Variants in TARS3 observed in about 807,000 individuals in gnomAD.
TARS3 encodes the protein threonine--tRNA ligase 2, cytoplasmic.
TARS3 carries 94 observed loss-of-function variants against 103.5 expected under a neutral mutation model. The observed-to-expected ratio is 0.91, with a 90% CI of 0.77 to 1.08. The LOEUF (loss-of-function observed/expected upper bound fraction) is 1.08. TARS3 is among the 50% of genes least tolerant of loss of function. The pLI, the probability that TARS3 is intolerant of heterozygous loss-of-function variation, is 0.00. For synonymous variants in TARS3, 416 were observed against 355.4 expected, an observed-to-expected ratio of 1.17 and a Z score of -1.92; for missense variants, 952 against 995.2, an observed-to-expected ratio of 0.96 and a Z score of 0.58.
chr15:101,716,322 CAAGTT>C (rs1900157281), intron 3 of TARS3, among the ~76,000 whole-genome samples: 1 of 151,894 alleles, frequency 6.6e-6, no homozygotes, highest in African/African-American at 2.4e-5. Flanking sequence ...GACAAAATTA[CAAGTT>C]AAGAAAGGAA....
Position 101,721,087 on chromosome 15 carries a change from T to C in TARS3, c.566+39A>G, listed in dbSNP as rs1479896026. 3.9e-6 allele frequency: 6 copies of C among 1,528,652 alleles called. No homozygotes were observed. In the African/African-American group the frequency reaches 8.2e-5, roughly 21 times the overall value. The allele number at this position is 1,528,652 out of a possible 1,614,324, so 94.7% of individuals were successfully genotyped here. A position where few individuals can be genotyped will look rare whatever the true frequency, so the allele number is the denominator to read the frequency against. Reference sequence around the variant, plus strand: ...ACATTTTCACCAGGCTTCAGTATAATTACTTAAGATTGAATATCTTTTCCA... The same window carrying C: ...ACATTTTCACCAGGCTTCAGTATAACTACTTAAGATTGAATATCTTTTCCA... On this transcript the variant is annotated intron_variant, in intron 3 of 18. Coordinates refer to ENST00000335968, the MANE Select transcript of TARS3 (RefSeq NM_152334.3).
In TARS3 at chr15:101,686,071, T is replaced by C; in HGVS notation, c.1321-9A>G. On this transcript the variant is annotated splice_polypyrimidine_tract_variant and intron_variant, in intron 10 of 18. Coordinates refer to ENST00000335968, the MANE Select transcript of TARS3 (RefSeq NM_152334.3). ...CGTTTGTGATATTCCTCCTTCAAGATACATGCATTCAACATTAAAATCTGC... is the reference window on the plus strand; with the variant it reads ...CGTTTGTGATATTCCTCCTTCAAGACACATGCATTCAACATTAAAATCTGC... The C allele has an allele frequency of 6.3e-7, 1 of 1,592,830 alleles. No homozygotes were observed. Among genetic ancestry groups the C allele is most frequent in the East Asian group, 2.3e-5 (1 of 44,352 alleles).
chr15:101,708,975 T>G (rs8038125), intron 5 of TARS3, 65 bp from the exon 6 acceptor site: 216,649 of 1,069,786 alleles, frequency 0.2, 23,534 homozygotes, highest in Non-Finnish European at 0.23. Context: ...CTTTCCTTTG[T>G]CCTGGAGCCT....
At chr15:101,722,281 A>G (rs984363371) in intron 2 of TARS3, among the ~76,000 whole-genome samples, 27 of 139,304 alleles carry the variant, frequency 1.9e-4, no homozygotes, top group Non-Finnish European at 3.7e-4. Context: ...TCCCTTTTCT[A>G]CTGTTTACAG....
intron 12 of TARS3, among the ~76,000 whole-genome samples, chr15:101,683,307 T>C (rs558953419): frequency 4.6e-5 from 7 of 152,376 alleles, no homozygotes; most frequent in South Asian, 2.1e-4. Context: ...TCATTTGTTA[T>C]ATAAAATTGT....
At chr15:101,707,067 T>G (rs1313749056) in intron 6 of TARS3, among the ~76,000 whole-genome samples, 1 of 151,986 alleles carries the variant, frequency 6.6e-6, no homozygotes, top group Non-Finnish European at 1.5e-5. Context: ...AAATGGCCAA[T>G]AAGCACATTA....
intron 5 of TARS3, among the ~76,000 whole-genome samples, chr15:101,710,229 G>A (rs1899792501): frequency 2.0e-5 from 3 of 152,140 alleles, no homozygotes; most frequent in Admixed American, 6.5e-5. Flanking sequence ...GCATCTCTGT[G>A]GTCCCTCCCA....
chr15:101,711,075 T>C (rs1396067364), intron 5 of TARS3, among the ~76,000 whole-genome samples: 1 of 152,216 alleles, frequency 6.6e-6, no homozygotes, highest in Non-Finnish European at 1.5e-5. Flanking sequence ...CACTCAACTA[T>C]GTGAGATGTT....
At position 101,654,563 on chromosome 15, in the gene TARS3, C is replaced by A. The variant is rs1421057557; in HGVS notation, c.*19G>T. On this transcript the variant is annotated 3_prime_UTR_variant, in exon 19 of 19. Transcript: ENST00000335968. Reference sequence around the variant, plus strand: ...GGGTCAAAACAAAGTTACACAGAAGCAAATATCAGGGAAGGACTTCAAAAG... The same window carrying A: ...GGGTCAAAACAAAGTTACACAGAAGAAAATATCAGGGAAGGACTTCAAAAG... 14 of 1,602,372 alleles carry A rather than the reference C, an allele frequency of 8.7e-6. No homozygotes were observed. The highest frequency in any genetic ancestry group is 1.2e-5 in the Non-Finnish European group (14 of 1,176,958).
chr15:101,686,598 G>A (rs1413406128), intron 10 of TARS3, among the ~76,000 whole-genome samples: 1 of 152,152 alleles, frequency 6.6e-6, no homozygotes, highest in African/African-American at 2.4e-5. Context: ...GACAGGAGAA[G>A]AGAGTTTTTT....
chr15:101,657,209 G>A lies in TARS3; in HGVS notation c.2146-173C>T, dbSNP rs1277637885. ...GGAAGTGTCGGCGCATCGTTTCTGA[G>A]ACTAGTTTATAAAAGGCTGCAGCTC... On this transcript the variant is annotated intron_variant, in intron 17 of 18. Coordinates refer to ENST00000335968, the MANE Select transcript of TARS3 (RefSeq NM_152334.3). Among the ~76,000 whole-genome samples, 5 of 152,356 alleles carry A rather than the reference G, an allele frequency of 3.3e-5. No individual in the cohort carries two copies. The East Asian group carries it at 9.6e-4, about 29-fold the overall frequency.
At chr15:101,709,635 C>A (rs535361678) in intron 5 of TARS3, among the ~76,000 whole-genome samples, 21 of 152,308 alleles carry the variant, frequency 1.4e-4, no homozygotes, top group African/African-American at 5.1e-4. Context: ...TTCCTATAGT[C>A]ATCACCACCC....
At chr15:101,657,106 C>A in intron 17 of TARS3, 70 bp from the exon 18 acceptor site, 1 of 1,007,790 alleles carries the variant, frequency 9.9e-7, no homozygotes, top group South Asian at 1.4e-5. Context: ...CCGTTGTTCC[C>A]CACTCTTGGT....
chr15:101,668,061 T>C (rs1897650681), intron 15 of TARS3, among the ~76,000 whole-genome samples: 1 of 152,238 alleles, frequency 6.6e-6, no homozygotes, highest in Admixed American at 6.5e-5. Flanking sequence ...AAGAAGGCTG[T>C]TTCACTTCCT....
intron 5 of TARS3, among the ~76,000 whole-genome samples, chr15:101,711,134 G>A (rs188609109): frequency 6.6e-6 from 1 of 152,278 alleles, no homozygotes; most frequent in Admixed American, 6.5e-5. Context: ...AATTAAACTA[G>A]CCTCTCTCTA....
chr15:101,672,063 A>G (rs1897829846), intron 13 of TARS3, among the ~76,000 whole-genome samples: 2 of 152,074 alleles, frequency 1.3e-5, no homozygotes, highest in African/African-American at 4.8e-5. Flanking sequence ...CCTGTGCCCT[A>G]CACATCAACC....
chr15:101,693,945 G>A (rs1233474071), intron 10 of TARS3, among the ~76,000 whole-genome samples: 1 of 152,066 alleles, frequency 6.6e-6, no homozygotes, highest in African/African-American at 2.4e-5. Flanking sequence ...GAACTGTTCT[G>A]TATCTTGATT....
rs765381685 is a variant in TARS3 at position 101,657,887 on chromosome 15, C to T, written c.2073-30G>A. The T allele has an allele frequency of 1.2e-4, 166 of 1,387,960 alleles. 1 individual carries two copies. The highest frequency in any genetic ancestry group is 1.6e-4 in the Non-Finnish European group (159 of 1,006,150). The allele number at this position is 1,387,960 out of a possible 1,614,324, so 86.0% of individuals were successfully genotyped here. ...AAAATATATATAAAATATGTATTTTCAAAGTGTAATAATGGCTACTTATTA... is the reference window on the plus strand; with the variant it reads ...AAAATATATATAAAATATGTATTTTTAAAGTGTAATAATGGCTACTTATTA... On this transcript the variant is annotated intron_variant, in intron 16 of 18. Transcript: ENST00000335968.
intron 12 of TARS3, among the ~76,000 whole-genome samples, chr15:101,677,537 T>G (rs1245469406): frequency 2.0e-5 from 3 of 151,992 alleles, no homozygotes. Context: ...TTGCTCTTGT[T>G]GCCCAGGCTG....
Sources: allele counts gnomAD v4.1 joint callset (sites outside exome capture counted in the v4.1 genomes callset), GRCh38; gene constraint gnomAD v4.1.1; transcripts MANE v1.5; gene names NCBI Gene and HGNC (gene_info 2026-07-23, HGNC 2026-07-21).